XYLT1: variants seen among roughly 807,000 people sequenced by gnomAD.
XYLT1 encodes beta-D-xylosyltransferase 1.
A neutral mutation model predicts 91.3 loss-of-function variants in XYLT1; 36 were observed. That is an observed-to-expected ratio of 0.39 (90% CI 0.30 to 0.52). The LOEUF (loss-of-function observed/expected upper bound fraction) is 0.52. XYLT1 is among the 20% of genes least tolerant of loss of function. The pLI is 0.68. For missense variants in XYLT1, 1,242 were observed against 1,284.5 expected, an observed-to-expected ratio of 0.97 and a Z score of 0.51; for synonymous variants, 588 against 532.0, an observed-to-expected ratio of 1.11 and a Z score of -1.45.
intron 9 of XYLT1, among the ~76,000 whole-genome samples, chr16:17,129,197 A>G (rs1435025502): frequency 6.6e-6 from 1 of 151,954 alleles, no homozygotes; most frequent in Non-Finnish European, 1.5e-5. Context: ...CTGTGCTGTC[A>G]TTCTACCACT....
intron 2 of XYLT1, among the ~76,000 whole-genome samples, chr16:17,313,086 A>T (rs1390623144): frequency 6.6e-6 from 1 of 152,192 alleles, no homozygotes; most frequent in Non-Finnish European, 1.5e-5. Context: ...TCCCAGCTCA[A>T]AGGTGTGCCT....
chr16:17,289,659 G>C (rs1381384432), intron 2 of XYLT1, among the ~76,000 whole-genome samples: 2 of 152,188 alleles, frequency 1.3e-5, no homozygotes, highest in Admixed American at 1.3e-4. Context: ...GGTGACAGTT[G>C]AGAATGCAAA....
chr16:17,118,230 T>C (rs994316704), intron 10 of XYLT1, among the ~76,000 whole-genome samples: 1 of 152,156 alleles, frequency 6.6e-6, no homozygotes, highest in African/African-American at 2.4e-5. Flanking sequence ...GCCTGGTGTA[T>C]GGCATGTGCT....
intron 2 of XYLT1, among the ~76,000 whole-genome samples, chr16:17,350,724 G>C (rs1357322045): frequency 2.0e-5 from 3 of 152,152 alleles, no homozygotes; most frequent in African/African-American, 7.2e-5. Flanking sequence ...ATGGGCTGGA[G>C]ACTCAGGTAA....
At chr16:17,197,919 G>A (rs77647453) in intron 5 of XYLT1, 4 of 457,746 alleles carry the variant, frequency 8.7e-6, no homozygotes, top group African/African-American at 2.0e-5. Context: ...TGTTAGTTCT[G>A]TCCCTCTAGA....
At chr16:17,436,398 T>C (rs1184168290) in intron 1 of XYLT1, among the ~76,000 whole-genome samples, 4 of 152,172 alleles carry the variant, frequency 2.6e-5, no homozygotes, top group Admixed American at 6.5e-5. Context: ...TCCCCACTCA[T>C]TGCCATGATA....
At chr16:17,256,733 T>C (rs990805876) in intron 3 of XYLT1, among the ~76,000 whole-genome samples, 6 of 152,180 alleles carry the variant, frequency 3.9e-5, no homozygotes, top group Non-Finnish European at 8.8e-5. Flanking sequence ...AGCCATTCTC[T>C]TGCTGCACTT....
At chr16:17,386,794 C>A (rs1219617386) in intron 1 of XYLT1, among the ~76,000 whole-genome samples, 1 of 152,164 alleles carries the variant, frequency 6.6e-6, no homozygotes, top group African/African-American at 2.4e-5. Flanking sequence ...ACATGCATTA[C>A]CTCATCTAAT....
intron 2 of XYLT1, among the ~76,000 whole-genome samples, chr16:17,341,423 A>ATC (rs1332474303): frequency 1.3e-5 from 2 of 152,218 alleles, no homozygotes; most frequent in Non-Finnish European, 2.9e-5. Flanking sequence ...GAGTGATAAG[A>ATC]TAGAGAGGAA....
intron 3 of XYLT1, among the ~76,000 whole-genome samples, chr16:17,256,715 T>C (rs888230808): frequency 6.6e-6 from 1 of 152,134 alleles, no homozygotes; most frequent in African/African-American, 2.4e-5. Flanking sequence ...TAGTCTACTT[T>C]TCTGGGGAGC....
chr16:17,382,912 A>C, intron 1 of XYLT1, among the ~76,000 whole-genome samples: 1 of 151,896 alleles, frequency 6.6e-6, no homozygotes, highest in East Asian at 2.0e-4. Flanking sequence ...AACATACTCA[A>C]GGTCACAGTC....
chr16:17,441,606 CTT>C (rs1039673801), intron 1 of XYLT1, among the ~76,000 whole-genome samples: 31 of 152,272 alleles, frequency 2.0e-4, no homozygotes, highest in African/African-American at 7.5e-4. Flanking sequence ...ACTTTGGACT[CTT>C]GTTTTAATTC....
intron 1 of XYLT1, among the ~76,000 whole-genome samples, chr16:17,403,805 C>G (rs1188547272): frequency 6.6e-6 from 1 of 152,218 alleles, no homozygotes; most frequent in East Asian, 1.9e-4. Flanking sequence ...CAAAGCCCAT[C>G]TGGGAATACC....
intron 2 of XYLT1, among the ~76,000 whole-genome samples, chr16:17,331,106 C>T (rs1413451796): frequency 1.3e-5 from 2 of 152,238 alleles, no homozygotes; most frequent in Non-Finnish European, 2.9e-5. Flanking sequence ...ATATCTCCTC[C>T]GAGTCCCCAC....
chr16:17,379,643 G>C (rs1048842758), intron 1 of XYLT1, among the ~76,000 whole-genome samples: 2 of 151,922 alleles, frequency 1.3e-5, no homozygotes, highest in African/African-American at 4.8e-5. Flanking sequence ...TCTGAATCTT[G>C]GTGTCTTCTG....
At chr16:17,122,579 ACTTTT>A (rs1270097687) in intron 10 of XYLT1, among the ~76,000 whole-genome samples, 1 of 152,084 alleles carries the variant, frequency 6.6e-6, no homozygotes, top group African/African-American at 2.4e-5. Flanking sequence ...CCTTGCAGAA[ACTTTT>A]AAAATTAAGT....
intron 2 of XYLT1, among the ~76,000 whole-genome samples, chr16:17,310,145 C>T (rs28621897): frequency 0.11 from 16,597 of 152,240 alleles, 1,007 homozygotes; most frequent in South Asian, 0.18. Flanking sequence ...TTCCTGATTC[C>T]TCAGTCTCCC....
chr16:17,122,870 C>T (rs886871261), intron 10 of XYLT1, among the ~76,000 whole-genome samples: 1 of 151,980 alleles, frequency 6.6e-6, no homozygotes, highest in East Asian at 1.9e-4. Context: ...TTTTGTGTGC[C>T]GTGTTGAAGA....
At chr16:17,425,827 A>G (rs1462304852) in intron 1 of XYLT1, among the ~76,000 whole-genome samples, 3 of 151,998 alleles carry the variant, frequency 2.0e-5, no homozygotes, top group Non-Finnish European at 4.4e-5. Flanking sequence ...CCTTAAATAC[A>G]TCCTTCAAAC....
Sources: gnomAD v4.1 joint callset for allele counts (sites outside exome capture counted in the v4.1 genomes callset) on GRCh38, gnomAD v4.1.1 for gene constraint, MANE v1.5 for transcripts, NCBI Gene and HGNC (gene_info 2026-07-23, HGNC 2026-07-21) for gene names.